The following VCF2 variants were observed in gnomAD, a reference collection of about 807,000 sequenced individuals.
VCF2 encodes the protein protein VCF2.
chrX:55,145,745 A>G, the VCF2 span: 2 of 776,204 alleles, frequency 2.6e-6, no homozygotes, highest in African/African-American at 2.3e-5. Flanking sequence ...GATGTTTAAC[A>G]TAGAGTTTCT....
the VCF2 span, among the ~76,000 whole-genome samples, chrX:55,154,398 G>A: frequency 8.9e-6 from 1 of 112,046 alleles, no homozygotes; most frequent in Non-Finnish European, 1.9e-5. Context: ...CAGTTACAAA[G>A]CTTATTCTTT....
the VCF2 span, chrX:55,145,467 T>C: frequency 1.3e-6 from 1 of 753,745 alleles, no homozygotes; most frequent in African/African-American, 2.3e-5. Context: ...GAGACAGTTA[T>C]TAGAGAGAGA....
chrX:55,155,205 C>T, the VCF2 span, among the ~76,000 whole-genome samples: 1,032 of 111,965 alleles, frequency 9.2e-3, 9 homozygotes, highest in African/African-American at 0.032. Flanking sequence ...AGAGAAGATA[C>T]GGCTAGGTTA....
chrX:55,153,695 A>G, the VCF2 span, among the ~76,000 whole-genome samples: 1 of 111,545 alleles, frequency 9.0e-6, no homozygotes, highest in Non-Finnish European at 1.9e-5. Flanking sequence ...CACTACAAAT[A>G]TATTTCTTTT....
chrX:55,161,064 G>C, the VCF2 span: 2 of 1,197,555 alleles, frequency 1.7e-6, no homozygotes, highest in Non-Finnish European at 2.3e-6. Context: ...TCTTGGCTGA[G>C]AAAGCAAAGC....
At chrX:55,153,355 ATT>A in the VCF2 span, among the ~76,000 whole-genome samples, 31,541 of 82,838 alleles carry the variant, frequency 0.38, 4,438 homozygotes, top group Non-Finnish European at 0.45. Context: ...TTATTTATTA[ATT>A]TTTTTTTTTT....
the VCF2 span, among the ~76,000 whole-genome samples, chrX:55,155,951 T>C: frequency 9.7e-6 from 1 of 102,749 alleles, no homozygotes; most frequent in Admixed American, 1.0e-4. Flanking sequence ...CTTTTTTTTT[T>C]TTTTTTTTTT....
the VCF2 span, among the ~76,000 whole-genome samples, chrX:55,160,466 T>C: frequency 8.9e-6 from 1 of 112,804 alleles, no homozygotes; most frequent in Non-Finnish European, 1.9e-5. Context: ...CATGAAACAA[T>C]GTTAATCTCA....
At chrX:55,154,229 C>T in the VCF2 span, among the ~76,000 whole-genome samples, 6 of 111,497 alleles carry the variant, frequency 5.4e-5, no homozygotes, top group Non-Finnish European at 7.5e-5. Context: ...CTCAAGGGAT[C>T]CTCCTGCCTC....
chrX:55,157,595 G>A, the VCF2 span, among the ~76,000 whole-genome samples: 216 of 111,939 alleles, frequency 1.9e-3, no homozygotes, highest in Non-Finnish European at 3.2e-3. Flanking sequence ...ACCTGACAAG[G>A]GGAGATTTCC....
chrX:55,146,254 T>C, the VCF2 span: 1 of 1,206,805 alleles, frequency 8.3e-7, no homozygotes, highest in Non-Finnish European at 1.1e-6. Flanking sequence ...TCTGGTCCAC[T>C]TGCTCTCTCT....
At chrX:55,151,605 C>T in the VCF2 span, among the ~76,000 whole-genome samples, 6 of 112,294 alleles carry the variant, frequency 5.3e-5, no homozygotes, top group African/African-American at 1.3e-4. Context: ...ATAAAACTAA[C>T]GCTTATTTTA....
chrX:55,149,398 C>T, the VCF2 span, among the ~76,000 whole-genome samples: 4 of 111,527 alleles, frequency 3.6e-5, no homozygotes, highest in African/African-American at 1.3e-4. Context: ...ATAAAAAGAA[C>T]ACCAAGTCTT....
chrX:55,154,295 T>C, the VCF2 span, among the ~76,000 whole-genome samples: 1 of 111,819 alleles, frequency 8.9e-6, no homozygotes, highest in Admixed American at 9.5e-5. Context: ...TTAAGCACTT[T>C]AGTATTTGGA....
At chrX:55,145,948 G>A in the VCF2 span, 1 of 1,080,122 alleles carries the variant, frequency 9.3e-7, no homozygotes, top group Non-Finnish European at 1.2e-6. Flanking sequence ...CAACAGTGAA[G>A]TAAAACCCCA....
the VCF2 span, among the ~76,000 whole-genome samples, chrX:55,156,943 G>T: frequency 8.9e-6 from 1 of 112,170 alleles, no homozygotes; most frequent in Non-Finnish European, 1.9e-5. Flanking sequence ...AAGTGCTTGG[G>T]ATGTTTAGTA....
chrX:55,152,394 T>C, the VCF2 span, among the ~76,000 whole-genome samples: 2 of 112,038 alleles, frequency 1.8e-5, no homozygotes, highest in African/African-American at 6.5e-5. Flanking sequence ...TTCCTCCCCC[T>C]ACTTTTTTTG....
chrX:55,149,350 C>T, the VCF2 span, among the ~76,000 whole-genome samples: 6 of 111,180 alleles, frequency 5.4e-5, no homozygotes, highest in African/African-American at 2.0e-4. Flanking sequence ...CTTTTAAAGT[C>T]CTTGTGCCTT....
At chrX:55,143,903 A>G in the VCF2 span, 1 of 1,053,430 alleles carries the variant, frequency 9.5e-7, no homozygotes, top group Middle Eastern at 2.6e-4. Context: ...GAGATTGCAT[A>G]TTGTATTTAC....
Sources: allele counts gnomAD v4.1 joint callset (sites outside exome capture counted in the v4.1 genomes callset), GRCh38; gene constraint gnomAD v4.1.1; transcripts MANE v1.5; gene names NCBI Gene and HGNC (gene_info 2026-07-23, HGNC 2026-07-21).